INSL6: variants seen among roughly 807,000 people sequenced by gnomAD.
The protein encoded by INSL6 is insulin-like peptide INSL6.
Under a neutral mutation model 9.4 loss-of-function variants are expected in INSL6, and 16 were observed. The observed-to-expected ratio is 1.70, with a 90% confidence interval of 1.15 to 2.59. The LOEUF is 2.59. Among genes scored for constraint, INSL6 ranks in the 30% most tolerant of loss-of-function variants. The probability of loss-of-function intolerance (pLI) is 0.00; values close to 1 mark genes in which losing one functional copy is unlikely to be tolerated. For missense variants in INSL6, 391 were observed against 257.3 expected (o/e 1.52, Z -3.56); for synonymous variants, 154 against 96.9 (o/e 1.59, Z -3.46).
At chr9:5,016,224 G>A in the INSL6 span, among the ~76,000 whole-genome samples, 4 of 152,226 alleles carry the variant, frequency 2.6e-5, no homozygotes, top group African/African-American at 7.2e-5. Flanking sequence ...TCAGGATGAA[G>A]TGAAGTATCT....
At chr9:5,081,832 C>A in the INSL6 span, 1 of 1,613,446 alleles carries the variant, frequency 6.2e-7, no homozygotes, top group Non-Finnish European at 8.5e-7. Flanking sequence ...TGAAGAGAGA[C>A]ATTTGAAATT....
chr9:5,028,160 C>A, the INSL6 span, among the ~76,000 whole-genome samples: 1 of 152,180 alleles, frequency 6.6e-6, no homozygotes, highest in African/African-American at 2.4e-5. Flanking sequence ...ATTTGAAAGT[C>A]AAATTGCTCC....
At chr9:5,007,626 G>A in the INSL6 span, among the ~76,000 whole-genome samples, 4 of 151,768 alleles carry the variant, frequency 2.6e-5, no homozygotes, top group Non-Finnish European at 5.9e-5. Flanking sequence ...TTAGGTTGAC[G>A]CTAAAGTAAT....
At chr9:5,007,819 C>T in the INSL6 span, among the ~76,000 whole-genome samples, 844 of 151,940 alleles carry the variant, frequency 5.6e-3, 8 homozygotes, top group African/African-American at 0.019. Context: ...TCTCTGCCTC[C>T]CAGGTTCAAG....
chr9:5,070,563 ATAAC>A, the INSL6 span, among the ~76,000 whole-genome samples: 5 of 152,006 alleles, frequency 3.3e-5, no homozygotes, highest in East Asian at 1.9e-4. Flanking sequence ...CTTTTTTTAA[ATAAC>A]TAATTATTTT....
intron 1 of INSL6, among the ~76,000 whole-genome samples, chr9:5,182,094 A>G (rs1201742186): frequency 6.6e-6 from 1 of 152,168 alleles, no homozygotes; most frequent in Non-Finnish European, 1.5e-5. Context: ...TTCTAGGTTC[A>G]TAAGGGGACA....
the INSL6 span, among the ~76,000 whole-genome samples, chr9:5,028,682 T>C: frequency 6.6e-6 from 1 of 152,230 alleles, no homozygotes; most frequent in African/African-American, 2.4e-5. Flanking sequence ...CTGCATCCTC[T>C]CCATCAACAC....
In INSL6 at chr9:5,171,755, A is replaced by G. The variant is rs570251798; in HGVS notation, c.290-7490T>C. On this transcript the variant is annotated intron_variant, in intron 1 of 1. Transcript: ENST00000381641. The stretch of plus-strand genomic sequence containing the variant: ...TCCTATTCACAATTGCTACAAAGAG[A>G]ATATACCTATGAATACAGTTAGCGA... Among the ~76,000 whole-genome samples the G allele has an allele frequency of 7.2e-5, 11 of 152,310 alleles. No homozygotes were observed. The South Asian group carries it at 2.3e-3, about 32-fold the overall frequency.
At chr9:5,172,274 C>A in intron 1 of INSL6, among the ~76,000 whole-genome samples, 1 of 152,058 alleles carries the variant, frequency 6.6e-6, no homozygotes, top group East Asian at 1.9e-4. Context: ...GCTGGGAGAA[C>A]TGGACCACTT....
At chr9:5,167,763 G>C (rs1275786952) in intron 1 of INSL6, among the ~76,000 whole-genome samples, 1 of 152,208 alleles carries the variant, frequency 6.6e-6, no homozygotes, top group Non-Finnish European at 1.5e-5. Flanking sequence ...GCTTATTTAA[G>C]TGGGTCCCTG....
At chr9:5,013,700 G>A in the INSL6 span, among the ~76,000 whole-genome samples, 1 of 152,024 alleles carries the variant, frequency 6.6e-6, no homozygotes, top group African/African-American at 2.4e-5. Context: ...TTTAATTGTT[G>A]TGTGAAACTT....
rs772490430 is a variant in INSL6 at position 5,126,326 on chromosome 9, G to A, written c.*11-1815C>T. 1.3e-5 allele frequency: 21 copies of A among 1,578,218 alleles called. No individual in the cohort carries two copies. Among genetic ancestry groups the A allele is most frequent in the Non-Finnish European group, 1.4e-5 (16 of 1,156,220 alleles). On this transcript the variant is annotated intron_variant, in intron 3 of 3. Transcript: ENST00000649639. Reference sequence around the variant, plus strand: ...TACAAAAAATATTGAAAGTGGGTTTGTTTTAGGAATTTATGCGTATGATTG... The same window carrying A: ...TACAAAAAATATTGAAAGTGGGTTTATTTTAGGAATTTATGCGTATGATTG...
chr9:5,121,257 T>C (rs988370231), downstream of INSL6, among the ~76,000 whole-genome samples: 2 of 152,148 alleles, frequency 1.3e-5, no homozygotes, highest in South Asian at 4.1e-4. Context: ...CCTAAGAGAT[T>C]TGCAAAGACA....
the INSL6 span, among the ~76,000 whole-genome samples, chr9:5,039,534 A>T: frequency 6.6e-6 from 1 of 152,156 alleles, no homozygotes; most frequent in African/African-American, 2.4e-5. Context: ...TACTGCATAG[A>T]TACCAAAGGA....
the INSL6 span, among the ~76,000 whole-genome samples, chr9:5,058,452 T>C: frequency 3.3e-5 from 5 of 152,234 alleles, no homozygotes; most frequent in East Asian, 9.6e-4. Context: ...GAGAACAGCA[T>C]GGGGGAAACA....
At chr9:5,169,044 C>T (rs752729549) in intron 1 of INSL6, among the ~76,000 whole-genome samples, 2 of 152,038 alleles carry the variant, frequency 1.3e-5, no homozygotes, top group Non-Finnish European at 2.9e-5. Context: ...TCCTTCCTCA[C>T]CCTTCCCAAG....
intron 1 of INSL6, among the ~76,000 whole-genome samples, chr9:5,183,974 G>T (rs1028466373): frequency 3.3e-5 from 5 of 152,136 alleles, no homozygotes; most frequent in Admixed American, 6.5e-5. Flanking sequence ...CTGAACTAAA[G>T]TAAAAGTAGA....
the INSL6 span, among the ~76,000 whole-genome samples, chr9:5,065,903 A>G: frequency 6.6e-6 from 1 of 152,202 alleles, no homozygotes; most frequent in Non-Finnish European, 1.5e-5. Flanking sequence ...GTCTATGCTT[A>G]ATATTTATTT....
the INSL6 span, chr9:5,077,728 C>T: frequency 6.5e-6 from 3 of 464,370 alleles, no homozygotes; most frequent in South Asian, 7.5e-5. Flanking sequence ...AAAGAGATTA[C>T]TTTAGGCATA....
Sources: allele counts gnomAD v4.1 joint callset (sites outside exome capture counted in the v4.1 genomes callset), GRCh38; gene constraint gnomAD v4.1.1; transcripts MANE v1.5; gene names NCBI Gene and HGNC (gene_info 2026-07-23, HGNC 2026-07-21).